The following TINAG variants were observed in gnomAD, a reference collection of about 807,000 sequenced individuals.
The protein encoded by TINAG is tubulointerstitial nephritis antigen.
A neutral mutation model predicts 72.7 loss-of-function variants in TINAG; 83 were observed. The ratio of observed to expected loss-of-function variants is 1.14; its 90% CI spans 0.96 to 1.37. TINAG has a LOEUF of 1.37. TINAG is among the 40% of genes most tolerant of loss of function. TINAG has a pLI of 0.00. For synonymous variants in TINAG, 234 were observed against 189.9 expected (o/e 1.23, Z -1.91); for missense variants, 685 against 576.6 (o/e 1.19, Z -1.93).
chr6:54,316,211 C>A (rs2150931732), intron 1 of TINAG, among the ~76,000 whole-genome samples: 1 of 152,192 alleles, frequency 6.6e-6, no homozygotes, highest in East Asian at 1.9e-4. Flanking sequence ...GTACACAGGA[C>A]AAATATCAGT....
chr6:54,381,824 A>C (rs2150983311), intron 10 of TINAG, among the ~76,000 whole-genome samples: 1 of 152,256 alleles, frequency 6.6e-6, no homozygotes, highest in South Asian at 2.1e-4. Context: ...TATTTAGAGA[A>C]AAAATCAAGT....
In TINAG at chr6:54,349,742, T is replaced by C. The variant is rs1423671536; in HGVS notation, c.926T>C (p.Leu309Pro). 1.3e-6 allele frequency: 2 copies of C among 1,599,096 alleles called. No individual in the cohort carries two copies. The highest frequency in any genetic ancestry group is 1.7e-5 in the Admixed American group (1 of 58,800). The change falls in exon 7 of 11, where the codon CTT becomes CCT. Residue 309 changes from leucine to proline, a missense_variant. Transcript: ENST00000259782. ...RGLVSHACYP[L>P]FKDQNATNNG... ...CTGGTATCCCACGCATGCTACCCAC[T>C]TTTCAAAGACCAAAATGCTACCAAC...
intron 5 of TINAG, 115 bp downstream of exon 5, chr6:54,343,464 A>G (rs1277135315): frequency 9.7e-7 from 1 of 1,029,000 alleles, no homozygotes; most frequent in Non-Finnish European, 1.3e-6. Context: ...CATATGATCA[A>G]ATAAAATCTC....
At chr6:54,349,661 G>T (rs1785212266) in intron 6 of TINAG, 55 bp from the exon 7 acceptor site, 2 of 1,377,892 alleles carry the variant, frequency 1.5e-6, no homozygotes, top group African/African-American at 2.9e-5. Context: ...ATATAAAAAG[G>T]ATATTACGAC....
intron 5 of TINAG, among the ~76,000 whole-genome samples, chr6:54,345,553 C>G (rs1785100976): frequency 6.6e-6 from 1 of 152,120 alleles, no homozygotes; most frequent in African/African-American, 2.4e-5. Context: ...AATGAAAACA[C>G]AGTTACACCA....
chr6:54,326,571 A>T (rs1220458783), intron 3 of TINAG, among the ~76,000 whole-genome samples: 1 of 152,134 alleles, frequency 6.6e-6, no homozygotes, highest in Non-Finnish European at 1.5e-5. Flanking sequence ...CTTCGTAAGA[A>T]TCATTAAAAT....
In TINAG at chr6:54,308,644, GA is replaced by G; in HGVS notation, c.95del (p.Glu32GlyfsTer101). The G allele has an allele frequency of 6.2e-7, 1 of 1,613,806 alleles. No individual in the cohort carries two copies. Among genetic ancestry groups the G allele is most frequent in the South Asian group, 1.1e-5 (1 of 91,076 alleles). On this transcript the variant is annotated frameshift_variant, in exon 1 of 11. Transcript: ENST00000259782. LOFTEE classifies it high-confidence loss of function. Reference protein sequence around the residue: ...QYLSQREVDLEAYFTRNHTVL... With the variant: ...QYLSQREVDLXAYFTRNHTVL... ...TTTATCTCAAAGAGAAGTGGACCTA[GA>G]GGCTTATTTCACTAGGAATCACACC...
chr6:54,326,235 G>A (rs953646706), intron 3 of TINAG, among the ~76,000 whole-genome samples: 1 of 151,694 alleles, frequency 6.6e-6, no homozygotes, highest in African/African-American at 2.4e-5. Context: ...TAATAACTAA[G>A]ATGATTGAGC....
intron 9 of TINAG, among the ~76,000 whole-genome samples, chr6:54,364,145 G>A (rs1258244181): frequency 6.6e-6 from 1 of 151,530 alleles, no homozygotes; most frequent in East Asian, 2.0e-4. Context: ...TAGGTGTTTA[G>A]GAGGGGAAGA....
rs1764208084 is a variant in TINAG at position 54,390,127 on chromosome 6, A to T, written c.*202A>T. ...ATTAACAACACCAATAAAGGACAGC[A>T]GAGTCCCTAAATGTCTTTAAAGTTC... On this transcript the variant is annotated 3_prime_UTR_variant, in exon 11 of 11. Transcript: ENST00000259782. The T allele has an allele frequency of 6.2e-6, 4 of 640,538 alleles. No homozygotes were observed. In the South Asian group the frequency reaches 9.8e-5, roughly 16 times the overall value. The allele number at this position is 640,538 out of a possible 1,614,324, so 39.7% of individuals were successfully genotyped here.
intron 4 of TINAG, among the ~76,000 whole-genome samples, chr6:54,333,922 C>G (rs2150947456): frequency 6.6e-6 from 1 of 152,248 alleles, no homozygotes; most frequent in Admixed American, 6.5e-5. Context: ...CTGTTAAAAG[C>G]ATATCTTCAA....
intron 1 of TINAG, among the ~76,000 whole-genome samples, chr6:54,317,816 C>G (rs924788135): frequency 1.3e-5 from 2 of 152,128 alleles, no homozygotes; most frequent in African/African-American, 4.8e-5. Context: ...TTCCAAGTCT[C>G]TCATCAACCC....
rs528964307 is a variant in TINAG at position 54,381,867 on chromosome 6, C to T, written c.1296+1296C>T. Among the ~76,000 whole-genome samples the T allele has an allele frequency of 1.6e-4, 25 of 152,090 alleles. 2 individuals are homozygous for T. The highest frequency in any genetic ancestry group is 1.6e-3 in the Admixed American group (25 of 15,232). ...TTAATGTATTTAACTCACAACAGTT[C>T]TTAGCATATAGCACTTGATGGCCAT... On this transcript the variant is annotated intron_variant, in intron 10 of 10. Coordinates refer to ENST00000259782, the MANE Select transcript of TINAG (RefSeq NM_014464.4).
chr6:54,340,671 A>C (rs1237563176), intron 4 of TINAG, among the ~76,000 whole-genome samples: 1 of 152,174 alleles, frequency 6.6e-6, no homozygotes, highest in Admixed American at 6.5e-5. Flanking sequence ...AGTAATAAAT[A>C]AATGGTAAAA....
In TINAG at chr6:54,380,558, A is replaced by C; in HGVS notation, c.1283A>C (p.Lys428Thr). Residue 428 changes from lysine to threonine, a missense_variant, in exon 10 of 11, where the codon AAA becomes ACA. Physicochemically the swap from Lys to Thr is moderately conservative, Grantham distance 78. Transcript: ENST00000259782. Reference sequence around the variant, plus strand: ...ACACTGAGAGGAGCACAAGGGCAGAAAGAAAAATTTTGGGTATGTAACTCT... The same window carrying C: ...ACACTGAGAGGAGCACAAGGGCAGACAGAAAAATTTTGGGTATGTAACTCT... Reference protein sequence around the residue: ...WGTLRGAQGQKEKFWIAANSW... With the variant: ...WGTLRGAQGQTEKFWIAANSW... The C allele has an allele frequency of 6.2e-7, 1 of 1,610,854 alleles. No homozygotes were observed. Among genetic ancestry groups the C allele is most frequent in the Non-Finnish European group, 8.5e-7 (1 of 1,178,002 alleles).
chr6:54,312,517 T>C (rs1784281524), intron 1 of TINAG, among the ~76,000 whole-genome samples: 1 of 152,128 alleles, frequency 6.6e-6, no homozygotes, highest in African/African-American at 2.4e-5. Context: ...CCTTTAAGAC[T>C]AGTAATAAAA....
intron 4 of TINAG, among the ~76,000 whole-genome samples, chr6:54,332,991 A>T (rs933115833): frequency 6.6e-6 from 1 of 152,174 alleles, no homozygotes; most frequent in Non-Finnish European, 1.5e-5. Flanking sequence ...GGATGTGGAG[A>T]AATAGGAATG....
chr6:54,366,334 C>T (rs1763416812), intron 9 of TINAG, among the ~76,000 whole-genome samples: 1 of 151,268 alleles, frequency 6.6e-6, no homozygotes, highest in Non-Finnish European at 1.5e-5. Flanking sequence ...CTTAGGTTTT[C>T]TCAAACAATT....
At chr6:54,327,760 G>A (rs540856917) in intron 4 of TINAG, among the ~76,000 whole-genome samples, 6 of 152,136 alleles carry the variant, frequency 3.9e-5, no homozygotes, top group Non-Finnish European at 8.8e-5. Context: ...ACACTCGAGC[G>A]TGGTGGAGGG....
Sources: gnomAD v4.1 joint callset for allele counts (sites outside exome capture counted in the v4.1 genomes callset) on GRCh38, gnomAD v4.1.1 for gene constraint, MANE v1.5 for transcripts, NCBI Gene and HGNC (gene_info 2026-07-23, HGNC 2026-07-21) for gene names.